Variants in CSNK1A1 observed in about 807,000 individuals in gnomAD.
The protein encoded by CSNK1A1 is casein kinase 1 alpha 1, also known as casein kinase I isoform alpha.
Under a neutral mutation model 46.1 loss-of-function variants are expected in CSNK1A1, and 7 were observed. The ratio of observed to expected loss-of-function variants is 0.15; its 90% CI spans 0.09 to 0.29. The LOEUF (loss-of-function observed/expected upper bound fraction) is 0.29. CSNK1A1 is among the 10% of genes least tolerant of loss of function. CSNK1A1 has a pLI of 1.00. For missense variants in CSNK1A1, 96 were observed against 417.1 expected, an observed-to-expected ratio of 0.23 and a Z score of 6.71; for synonymous variants, 137 against 141.5, an observed-to-expected ratio of 0.97 and a Z score of 0.23.
intron 2 of CSNK1A1, among the ~76,000 whole-genome samples, chr5:149,533,299 A>G (rs1761955363): frequency 7.2e-6 from 1 of 139,200 alleles, no homozygotes; most frequent in Admixed American, 8.1e-5. Flanking sequence ...GATAAACACC[A>G]TGATGAAGGA....
chr5:149,538,029 T>G (rs1328482608), intron 2 of CSNK1A1, among the ~76,000 whole-genome samples: 2 of 142,328 alleles, frequency 1.4e-5, no homozygotes, highest in South Asian at 2.3e-4. Context: ...TTTTTTTTTT[T>G]TTTTTTTTTT....
At position 149,505,511 on chromosome 5, in the gene CSNK1A1, C is replaced by G; in HGVS notation, c.942G>C (p.Gly314=). ...TGGGGGTTTGGGCCTGCTGACCCTG[C>G]CCACTGGAAGAGGCTGCCTGCTGTG... ...KAAQQAASSS[G]QGQQAQTPTG... The change falls in exon 9 of 10, where the codon GGG becomes GGC. Residue 314 remains glycine, a synonymous_variant. Transcript: ENST00000377843. 6.2e-7 allele frequency: 1 copy of G among 1,614,080 alleles called. No individual in the cohort carries two copies. Among genetic ancestry groups the G allele is most frequent in the Non-Finnish European group, 8.5e-7 (1 of 1,180,008 alleles).
intron 2 of CSNK1A1, among the ~76,000 whole-genome samples, chr5:149,535,751 C>CA (rs1310155938): frequency 4.9e-4 from 75 of 152,272 alleles, no homozygotes; most frequent in African/African-American, 1.7e-3. Flanking sequence ...AAGCGATTCT[C>CA]CTGCCTCAGC....
intron 8 of CSNK1A1, 96 bp from the exon 9 acceptor site, chr5:149,505,691 A>C (rs1760998677): frequency 2.0e-6 from 2 of 993,854 alleles, no homozygotes; most frequent in South Asian, 3.2e-5. Context: ...ATTTCTTTAC[A>C]CAACGAATAT....
chr5:149,543,261 T>C (rs1762360048), intron 2 of CSNK1A1, among the ~76,000 whole-genome samples: 1 of 152,186 alleles, frequency 6.6e-6, no homozygotes, highest in African/African-American at 2.4e-5. Context: ...TCAGAAGAAC[T>C]GGAAGTTAGG....
At chr5:149,519,475 C>T (rs986120921) in intron 4 of CSNK1A1, among the ~76,000 whole-genome samples, 1 of 152,072 alleles carries the variant, frequency 6.6e-6, no homozygotes, top group Non-Finnish European at 1.5e-5. Context: ...GCCTGTCTGC[C>T]CGAGCTCAAC....
intron 9 of CSNK1A1, chr5:149,502,045 A>C: frequency 1.0e-6 from 1 of 983,002 alleles, no homozygotes; most frequent in Non-Finnish European, 1.2e-6. Context: ...GATCTAAAGA[A>C]TATAAGGAAG....
intron 8 of CSNK1A1, among the ~76,000 whole-genome samples, 172 bp downstream of exon 8, chr5:149,506,855 C>T (rs917398310): frequency 5.3e-5 from 8 of 152,184 alleles, no homozygotes; most frequent in African/African-American, 4.8e-5. Context: ...CACCTATTTA[C>T]ACTACAAATA....
intron 2 of CSNK1A1, among the ~76,000 whole-genome samples, chr5:149,539,188 T>G (rs1762154126): frequency 6.6e-6 from 1 of 152,168 alleles, no homozygotes; most frequent in African/African-American, 2.4e-5. Context: ...TTCTGGTACT[T>G]TCCAGTATCA....
chr5:149,498,313 AC>A, intron 9 of CSNK1A1: 1 of 985,390 alleles, frequency 1.0e-6, no homozygotes, highest in Non-Finnish European at 1.2e-6. Flanking sequence ...GTCCATAAGC[AC>A]CAAATGCCAA....
chr5:149,509,088 C>A (rs1761130427), intron 7 of CSNK1A1, among the ~76,000 whole-genome samples: 1 of 151,750 alleles, frequency 6.6e-6, no homozygotes, highest in South Asian at 2.1e-4. Flanking sequence ...CCATGCCAGG[C>A]TAATTTTTGC....
At chr5:149,545,043 A>C (rs1469847041) in intron 2 of CSNK1A1, among the ~76,000 whole-genome samples, 3 of 151,072 alleles carry the variant, frequency 2.0e-5, no homozygotes, top group Non-Finnish European at 2.9e-5. Context: ...CAGAGGTTGC[A>C]GTGAGCCAAG....
In CSNK1A1 at chr5:149,533,820, T is replaced by C. The variant is rs112550520; in HGVS notation, c.231-8649A>G. ...CAAATGTTAAAATACACTTTTTCAT[T>C]GGGAAGTGGAAAATGTACTTATAGT... On this transcript the variant is annotated intron_variant, in intron 2 of 9. Transcript: ENST00000377843. Among the ~76,000 whole-genome samples the C allele has an allele frequency of 7.6e-4, 116 of 152,258 alleles. 2 individuals carry two copies. The highest frequency in any genetic ancestry group is 2.6e-3 in the African/African-American group (106 of 41,540).
chr5:149,546,591 C>G (rs548214267), intron 2 of CSNK1A1, among the ~76,000 whole-genome samples: 79 of 151,708 alleles, frequency 5.2e-4, no homozygotes, highest in Non-Finnish European at 9.9e-4. Context: ...CAAGACTGTA[C>G]CACTGCACTC....
intron 7 of CSNK1A1, 109 bp downstream of exon 7, chr5:149,509,769 TG>T: frequency 1.6e-6 from 1 of 620,202 alleles, no homozygotes; most frequent in Non-Finnish European, 2.7e-6. Context: ...CTTGAACTCC[TG>T]GGCTCATGTG....
chr5:149,538,510 G>C (rs1173770845), intron 2 of CSNK1A1, among the ~76,000 whole-genome samples: 1 of 152,186 alleles, frequency 6.6e-6, no homozygotes, highest in Non-Finnish European at 1.5e-5. Flanking sequence ...TTCTCTAAGA[G>C]GGATAAAAAA....
At position 149,539,249 on chromosome 5, in the gene CSNK1A1, A is replaced by G. The variant is rs528395376; in HGVS notation, c.230+10826T>C. Among the ~76,000 whole-genome samples the G allele has an allele frequency of 3.3e-5, 5 of 152,230 alleles. No individual in the cohort carries two copies. In the East Asian group the frequency reaches 9.6e-4, roughly 29 times the overall value. Reference sequence around the variant, plus strand: ...ATTAATTCTAAGAGGAAATATATAAATTAAGAACACAGCCTTACAGCCTGA... The same window carrying G: ...ATTAATTCTAAGAGGAAATATATAAGTTAAGAACACAGCCTTACAGCCTGA... On this transcript the variant is annotated intron_variant, in intron 2 of 9. Transcript: ENST00000377843.
rs12055066 is a variant in CSNK1A1, at chr5:149,542,592, T to A, written c.230+7483A>T. On this transcript the variant is annotated intron_variant, in intron 2 of 9. Coordinates refer to ENST00000377843, the MANE Select transcript of CSNK1A1 (RefSeq NM_001892.6). ...ATTTACTCCGAAATGAGATACAAAT[T>A]TATATATATATATATATATATATAT... Among the ~76,000 whole-genome samples, 57 of 26,688 alleles carry A rather than the reference T, an allele frequency of 2.1e-3. 3 individuals carry two copies. In the East Asian group the frequency reaches 0.037, roughly 17 times the overall value. The allele number at this position is 26,688 out of a possible 152,430, so 17.5% of individuals were successfully genotyped here. A position where few individuals can be genotyped will look rare whatever the true frequency, so the allele number is the denominator to read the frequency against.
chr5:149,521,280 T>C (rs1261492458), intron 3 of CSNK1A1, among the ~76,000 whole-genome samples: 1 of 149,208 alleles, frequency 6.7e-6, no homozygotes, highest in Non-Finnish European at 1.5e-5. Context: ...CTTTTTTTTT[T>C]TTTTTTTTTG....
Sources: allele counts gnomAD v4.1 joint callset (sites outside exome capture counted in the v4.1 genomes callset), GRCh38; gene constraint gnomAD v4.1.1; transcripts MANE v1.5; gene names NCBI Gene and HGNC (gene_info 2026-07-23, HGNC 2026-07-21).